CGNL1: variants seen among roughly 807,000 people sequenced by gnomAD.
The protein encoded by CGNL1 is cingulin like 1, also known as cingulin-like protein 1.
Under a neutral mutation model 141.2 loss-of-function variants are expected in CGNL1, and 132 were observed. The observed-to-expected ratio is 0.93, with a 90% CI of 0.81 to 1.08. The LOEUF is 1.08. CGNL1 is among the 50% of genes least tolerant of loss of function. CGNL1 has a pLI of 0.00. For missense variants in CGNL1, 1,870 were observed against 1,588.6 expected (o/e 1.18, Z -3.01); for synonymous variants, 690 against 622.1 (o/e 1.11, Z -1.63).
At chr15:57,384,569 G>T (rs867735254) in intron 1 of CGNL1, among the ~76,000 whole-genome samples, 3 of 152,098 alleles carry the variant, frequency 2.0e-5, no homozygotes, top group Admixed American at 1.3e-4. Flanking sequence ...ACTCACCCAC[G>T]TATTTCTTCA....
At position 57,448,789 on chromosome 15, in the gene CGNL1, G is replaced by A. The variant is rs74016204; in HGVS notation, c.1804-2711G>A. Among the ~76,000 whole-genome samples the A allele has an allele frequency of 3.2e-3, 488 of 151,694 alleles. 3 individuals carry two copies. Among genetic ancestry groups the A allele is most frequent in the African/African-American group, 0.011 (467 of 41,358 alleles). ...CTGTTGTTTATTTTATTTAGTTACT[G>A]GTTAGTTCTTCCTACTTCTTTGCAT... On this transcript the variant is annotated intron_variant, in intron 4 of 18. Transcript: ENST00000281282.
intron 8 of CGNL1, among the ~76,000 whole-genome samples, chr15:57,509,364 C>T (rs1027203486): frequency 1.7e-4 from 26 of 152,234 alleles, no homozygotes; most frequent in African/African-American, 3.1e-4. Context: ...AAACAAAAGC[C>T]GGCTGTGGCA....
intron 8 of CGNL1, among the ~76,000 whole-genome samples, chr15:57,462,776 T>G (rs1360552164): frequency 1.3e-5 from 2 of 152,232 alleles, no homozygotes; most frequent in African/African-American, 4.8e-5. Flanking sequence ...AAGATGGGTT[T>G]GTTTGTTATA....
At chr15:57,514,986 C>A (rs2030652612) in intron 8 of CGNL1, among the ~76,000 whole-genome samples, 3 of 152,102 alleles carry the variant, frequency 2.0e-5, no homozygotes, top group Non-Finnish European at 2.9e-5. Flanking sequence ...CAGTACTGCC[C>A]TGTCTTGATA....
chr15:57,518,470 C>G lies in CGNL1; in HGVS notation c.2688C>G (p.Ala896=). 4 of 1,611,462 alleles carry G rather than the reference C, an allele frequency of 2.5e-6. No homozygotes were observed. Among genetic ancestry groups the G allele is most frequent in the Non-Finnish European group, 3.4e-6 (4 of 1,178,754 alleles). ...AAGAAGCTGTGTCAGCCAGAAGGGCCCTGGAGAATGAACTGGAGGCTGCTC... is the reference window on the plus strand; with the variant it reads ...AAGAAGCTGTGTCAGCCAGAAGGGCGCTGGAGAATGAACTGGAGGCTGCTC... ...EEKEAVSARR[A]LENELEAAQG... is the part of the protein sequence containing the mutation. Residue 896 remains alanine, a synonymous_variant, in exon 10 of 19, where the codon GCC becomes GCG. Coordinates refer to ENST00000281282, the MANE Select transcript of CGNL1 (RefSeq NM_032866.5).
rs181356615 is a variant in CGNL1, at chr15:57,543,186, A to G, written c.3292-510A>G. Among the ~76,000 whole-genome samples, 13 of 151,346 alleles carry G rather than the reference A, an allele frequency of 8.6e-5. 1 individual carries two copies. The highest frequency in any genetic ancestry group is 4.6e-4 in the Admixed American group (7 of 15,204). On this transcript the variant is annotated intron_variant, in intron 14 of 18. Coordinates refer to ENST00000281282, the MANE Select transcript of CGNL1 (RefSeq NM_032866.5). The stretch of plus-strand genomic sequence containing the variant: ...TGGTTTCTGGCAATCTTTGGTAATC[A>G]CTGGCTTGTATACCCATCACCCCAA...
At chr15:57,511,150 C>A (rs1235310736) in intron 8 of CGNL1, among the ~76,000 whole-genome samples, 1 of 152,146 alleles carries the variant, frequency 6.6e-6, no homozygotes, top group Non-Finnish European at 1.5e-5. Flanking sequence ...CAATTGAAAA[C>A]TTCCTTCTGC....
chr15:57,504,864 C>A (rs1473804903), intron 8 of CGNL1, among the ~76,000 whole-genome samples: 3 of 152,320 alleles, frequency 2.0e-5, no homozygotes, highest in African/African-American at 7.2e-5. Flanking sequence ...AGGTGAACAG[C>A]ACTAATGACC....
intron 8 of CGNL1, among the ~76,000 whole-genome samples, chr15:57,486,676 A>G (rs1178513213): frequency 6.6e-6 from 1 of 152,208 alleles, no homozygotes; most frequent in African/African-American, 2.4e-5. Flanking sequence ...GGAACAGAGG[A>G]GGTCCATGTC....
chr15:57,401,349 G>A (rs1053958112), intron 1 of CGNL1, among the ~76,000 whole-genome samples: 5 of 152,058 alleles, frequency 3.3e-5, no homozygotes, highest in African/African-American at 7.2e-5. Context: ...GAGCCAGTGC[G>A]CCCAGCTGCT....
chr15:57,421,061 G>A (rs1180622490), intron 1 of CGNL1, among the ~76,000 whole-genome samples: 1 of 152,152 alleles, frequency 6.6e-6, no homozygotes, highest in African/African-American at 2.4e-5. Context: ...CATGAGGATG[G>A]GGCCCTTAAA....
At chr15:57,483,144 A>C (rs2063747001) in intron 8 of CGNL1, among the ~76,000 whole-genome samples, 1 of 152,172 alleles carries the variant, frequency 6.6e-6, no homozygotes, top group Non-Finnish European at 1.5e-5. Context: ...ATTTTGCTGA[A>C]GTTTTGATAG....
intron 14 of CGNL1, among the ~76,000 whole-genome samples, chr15:57,537,043 T>C (rs2032298759): frequency 6.6e-6 from 1 of 152,220 alleles, no homozygotes; most frequent in African/African-American, 2.4e-5. Flanking sequence ...CGGCTTCATA[T>C]GCTTTAAATT....
chr15:57,506,929 G>A (rs780280423), intron 8 of CGNL1, among the ~76,000 whole-genome samples: 6 of 152,158 alleles, frequency 3.9e-5, no homozygotes, highest in Non-Finnish European at 5.9e-5. Flanking sequence ...TTTTTATTAA[G>A]ATAACATTCA....
At chr15:57,534,833 G>T (rs2032165097) in intron 14 of CGNL1, among the ~76,000 whole-genome samples, 1 of 152,174 alleles carries the variant, frequency 6.6e-6, no homozygotes, top group Non-Finnish European at 1.5e-5. Context: ...GAGAATGCAT[G>T]GGATATTTTA....
intron 8 of CGNL1, among the ~76,000 whole-genome samples, chr15:57,471,526 C>T (rs185033096): frequency 3.3e-5 from 5 of 152,280 alleles, no homozygotes; most frequent in Admixed American, 2.0e-4. Flanking sequence ...TCACAGGCAG[C>T]GTGCGGAGAA....
chr15:57,538,879 A>G (rs1285856672), intron 14 of CGNL1, among the ~76,000 whole-genome samples: 1 of 152,206 alleles, frequency 6.6e-6, no homozygotes, highest in East Asian at 1.9e-4. Flanking sequence ...TTGCGAAGAC[A>G]CAACGGGGAG....
At chr15:57,513,778 TC>T (rs1420373298) in intron 8 of CGNL1, among the ~76,000 whole-genome samples, 5 of 152,172 alleles carry the variant, frequency 3.3e-5, no homozygotes, top group African/African-American at 4.8e-5. Flanking sequence ...CGCCTCGGCC[TC>T]CCAAAGTGCT....
intron 14 of CGNL1, among the ~76,000 whole-genome samples, chr15:57,541,530 TG>T (rs1385375250): frequency 3.3e-5 from 5 of 152,164 alleles, no homozygotes; most frequent in Non-Finnish European, 7.3e-5. Flanking sequence ...CCCAGCAGAG[TG>T]GGAGCGGGCC....
Sources: gnomAD v4.1 joint callset for allele counts (sites outside exome capture counted in the v4.1 genomes callset) on GRCh38, gnomAD v4.1.1 for gene constraint, MANE v1.5 for transcripts, NCBI Gene and HGNC (gene_info 2026-07-23, HGNC 2026-07-21) for gene names.